The following NRG3 variants were observed in gnomAD, a reference collection of about 807,000 sequenced individuals.
NRG3 encodes the protein neuregulin 3.
NRG3 carries 31 observed loss-of-function variants against 66.9 expected under a neutral mutation model. The ratio of observed to expected loss-of-function variants is 0.46; its 90% CI spans 0.35 to 0.63. The LOEUF (loss-of-function observed/expected upper bound fraction) is 0.63, where lower values mean the gene tolerates loss of function less well. NRG3 is among the 20% of genes least tolerant of loss of function. The pLI, the probability that NRG3 is intolerant of heterozygous loss-of-function variation, is 0.00. For missense variants in NRG3, 910 were observed against 878.9 expected (o/e 1.04, Z -0.45); for synonymous variants, 393 against 359.4 (o/e 1.09, Z -1.06).
chr10:82,677,614 T>C (rs1476709757), intron 2 of NRG3, among the ~76,000 whole-genome samples: 2 of 152,162 alleles, frequency 1.3e-5, no homozygotes, highest in East Asian at 1.9e-4. Context: ...CTTAGAATTA[T>C]AGAACTATTA....
chr10:82,788,947 T>G (rs1485219142), intron 3 of NRG3, among the ~76,000 whole-genome samples: 1 of 152,150 alleles, frequency 6.6e-6, no homozygotes, highest in East Asian at 1.9e-4. Flanking sequence ...TTATAAACAT[T>G]TGGGTCATTC....
At chr10:81,904,379 G>C in intron 1 of NRG3, among the ~76,000 whole-genome samples, 1 of 152,030 alleles carries the variant, frequency 6.6e-6, no homozygotes, top group Non-Finnish European at 1.5e-5. Context: ...GAGGAAATCT[G>C]ATGAGCTCCC....
chr10:82,333,639 G>C (rs2082248648), intron 1 of NRG3, among the ~76,000 whole-genome samples: 1 of 152,168 alleles, frequency 6.6e-6, no homozygotes, highest in Non-Finnish European at 1.5e-5. Context: ...TTAAATAAAT[G>C]TCTTATAATT....
At chr10:82,722,392 A>C (rs2057367640) in intron 2 of NRG3, among the ~76,000 whole-genome samples, 1 of 152,348 alleles carries the variant, frequency 6.6e-6, no homozygotes, top group African/African-American at 2.4e-5. Context: ...ATTGAAAATC[A>C]AAGGAAGATG....
intron 2 of NRG3, among the ~76,000 whole-genome samples, chr10:82,609,589 C>CAA (rs907457000): frequency 1.7e-5 from 2 of 114,350 alleles, no homozygotes; most frequent in African/African-American, 6.4e-5. Context: ...TTATATTTTC[C>CAA]AAAAAAAAAA....
intron 2 of NRG3, among the ~76,000 whole-genome samples, chr10:82,670,885 T>C (rs1320697542): frequency 1.3e-5 from 2 of 152,180 alleles, no homozygotes; most frequent in African/African-American, 4.8e-5. Context: ...CAACCTGGCA[T>C]CTCCTCTCTA....
At chr10:82,192,098 G>A (rs2074176676) in intron 1 of NRG3, among the ~76,000 whole-genome samples, 6 of 152,130 alleles carry the variant, frequency 3.9e-5, no homozygotes. Flanking sequence ...CTAAGGAAAT[G>A]TCTCTGATCA....
chr10:81,879,693 A>G (rs531172766), intron 1 of NRG3, among the ~76,000 whole-genome samples: 2 of 152,342 alleles, frequency 1.3e-5, no homozygotes, highest in African/African-American at 4.8e-5. Flanking sequence ...GTATGGAGGC[A>G]ATTTTAATTT....
At chr10:82,785,163 A>G (rs1402597919) in intron 3 of NRG3, among the ~76,000 whole-genome samples, 2 of 147,890 alleles carry the variant, frequency 1.4e-5, no homozygotes, top group Non-Finnish European at 3.0e-5. Context: ...ATGAGAGCAC[A>G]TGGACACAGG....
chr10:82,450,661 A>G (rs1199331816), intron 2 of NRG3, among the ~76,000 whole-genome samples: 1 of 152,184 alleles, frequency 6.6e-6, no homozygotes, highest in Non-Finnish European at 1.5e-5. Flanking sequence ...TCCTCTGCTC[A>G]GGTGGATTTT....
At chr10:82,290,876 A>C (rs2105095) in intron 1 of NRG3, among the ~76,000 whole-genome samples, 144,018 of 151,152 alleles carry the variant, frequency 0.95, 68,718 homozygotes, top group East Asian at 1. Flanking sequence ...ATCTCCTGAC[A>C]TCGTGATCTG....
rs1339860815 is a variant in NRG3 at position 82,985,094 on chromosome 10, T to C, written c.1584-4T>C. 6.2e-7 allele frequency: 1 copy of C among 1,611,814 alleles called. No individual in the cohort carries two copies. The highest frequency in any genetic ancestry group is 1.3e-5 in the African/African-American group (1 of 74,728). On this transcript the variant is annotated splice_polypyrimidine_tract_variant and splice_region_variant and intron_variant, in intron 8 of 8. Coordinates refer to ENST00000372141, the MANE Select transcript of NRG3 (RefSeq NM_001010848.4). ...GAAGGAGTAACACTGTGTTTCTTTT[T>C]CAGGTATTCATCCAGTGGTTTAAAA...
intron 2 of NRG3, among the ~76,000 whole-genome samples, chr10:82,542,167 T>C (rs2043589545): frequency 6.6e-6 from 1 of 152,134 alleles, no homozygotes; most frequent in Non-Finnish European, 1.5e-5. Flanking sequence ...AATGAGAACA[T>C]GTGGTGTTTG....
Position 82,863,960 on chromosome 10 carries a change from G to A in NRG3, c.1028-1451G>A, listed in dbSNP as rs145375368. Reference sequence around the variant, plus strand: ...ACCACAGAGTAAGCAGTCAAGAAATGCCAGGGAAATAAATGAATGCATCTA... The same window carrying A: ...ACCACAGAGTAAGCAGTCAAGAAATACCAGGGAAATAAATGAATGCATCTA... On this transcript the variant is annotated intron_variant, in intron 3 of 8. Transcript: ENST00000372141. Among the ~76,000 whole-genome samples, 756 of 152,264 alleles carry A rather than the reference G, an allele frequency of 5.0e-3. 22 individuals are homozygous for A. The highest frequency in any genetic ancestry group is 0.034 in the Admixed American group (525 of 15,288).
chr10:82,204,562 A>T (rs1777289448), intron 1 of NRG3, among the ~76,000 whole-genome samples: 1 of 152,196 alleles, frequency 6.6e-6, no homozygotes, highest in Admixed American at 6.5e-5. Context: ...GTCAAGTGGC[A>T]TTCGCTGTAC....
chr10:82,782,583 C>T (rs1359744017), intron 3 of NRG3, among the ~76,000 whole-genome samples: 1 of 151,986 alleles, frequency 6.6e-6, no homozygotes, highest in East Asian at 1.9e-4. Context: ...AAAATGTGGA[C>T]ACAGCTTTGG....
intron 4 of NRG3, among the ~76,000 whole-genome samples, chr10:82,874,206 C>T (rs1304405844): frequency 6.6e-6 from 1 of 151,914 alleles, no homozygotes; most frequent in Non-Finnish European, 1.5e-5. Context: ...GGGATAATCT[C>T]CTAAGAAGTG....
intron 2 of NRG3, among the ~76,000 whole-genome samples, chr10:82,645,460 G>C (rs778614466): frequency 3.9e-5 from 6 of 152,166 alleles, no homozygotes; most frequent in Non-Finnish European, 1.5e-5. Context: ...AGTTCCTGGT[G>C]TCCACAGCCC....
At chr10:82,333,213 C>T (rs79881350) in intron 1 of NRG3, among the ~76,000 whole-genome samples, 3,653 of 152,224 alleles carry the variant, frequency 0.024, 147 homozygotes, top group African/African-American at 0.082. Flanking sequence ...AGTTATGGCC[C>T]TTGTCCTTAA....
Sources: gnomAD v4.1 joint callset for allele counts (sites outside exome capture counted in the v4.1 genomes callset) on GRCh38, gnomAD v4.1.1 for gene constraint, MANE v1.5 for transcripts, NCBI Gene and HGNC (gene_info 2026-07-23, HGNC 2026-07-21) for gene names.